CRPPA: variants seen among roughly 807,000 people sequenced by gnomAD.
The protein encoded by CRPPA is D-ribitol-5-phosphate cytidylyltransferase.
In CRPPA, 43 loss-of-function variants were observed where a neutral mutation model predicts 52.0. The ratio of observed to expected loss-of-function variants is 0.83; its 90% CI spans 0.65 to 1.07. The LOEUF (loss-of-function observed/expected upper bound fraction) is 1.07. Ranked by LOEUF, CRPPA falls within the 50% of genes least tolerant of loss-of-function variation. The pLI is 0.00. For missense variants in CRPPA, 629 were observed against 551.7 expected (o/e 1.14, Z -1.40); for synonymous variants, 250 against 203.5 (o/e 1.23, Z -1.94).
At chr7:16,312,583 T>C (rs1390253383) in intron 3 of CRPPA, among the ~76,000 whole-genome samples, 1 of 151,996 alleles carries the variant, frequency 6.6e-6, no homozygotes, top group East Asian at 1.9e-4. Context: ...CAATACTTAG[T>C]TCATTTCCTT....
At chr7:16,135,407 G>A (rs934201439) in intron 9 of CRPPA, among the ~76,000 whole-genome samples, 2 of 151,780 alleles carry the variant, frequency 1.3e-5, no homozygotes, top group African/African-American at 4.8e-5. Flanking sequence ...GTGTTTTTTT[G>A]TGAAAGTTTC....
chr7:16,322,211 C>T (rs939172431), intron 3 of CRPPA, among the ~76,000 whole-genome samples: 5 of 152,016 alleles, frequency 3.3e-5, no homozygotes, highest in African/African-American at 1.2e-4. Flanking sequence ...GAAGCTGGCA[C>T]CAGGAGGCAA....
At chr7:16,283,414 A>T (rs1784358721) in intron 5 of CRPPA, among the ~76,000 whole-genome samples, 1 of 150,342 alleles carries the variant, frequency 6.7e-6, no homozygotes, top group Non-Finnish European at 1.5e-5. Flanking sequence ...AGATTCACTA[A>T]TATATCACAT....
At chr7:16,329,043 A>G (rs17169426) in intron 3 of CRPPA, among the ~76,000 whole-genome samples, 15,095 of 152,260 alleles carry the variant, frequency 0.099, 905 homozygotes, top group East Asian at 0.26. Flanking sequence ...GGCAAAATTC[A>G]TGAAACTAGA....
intron 8 of CRPPA, among the ~76,000 whole-genome samples, chr7:16,256,239 C>T (rs995700752): frequency 6.6e-6 from 1 of 152,180 alleles, no homozygotes; most frequent in Non-Finnish European, 1.5e-5. Flanking sequence ...GAGATACCAT[C>T]TCACACCAGT....
chr7:16,177,383 T>G (rs905400428), intron 9 of CRPPA, among the ~76,000 whole-genome samples: 1 of 152,158 alleles, frequency 6.6e-6, no homozygotes. Context: ...ATAAATTCAT[T>G]AATTCAACTT....
Position 16,286,699 on chromosome 7 carries a change from A to G in CRPPA, c.836-8473T>C, listed in dbSNP as rs374566085. 9.2e-5 allele frequency among the ~76,000 whole-genome samples: 14 copies of G among 152,316 alleles called. No individual in the cohort carries two copies. In the East Asian group the frequency reaches 2.3e-3, roughly 25 times the overall value. ...GAGTTGGCTAGGAAAAGGAATGCACAGGCAACAATCATCAAGGAGACTTTC... is the reference window on the plus strand; with the variant it reads ...GAGTTGGCTAGGAAAAGGAATGCACGGGCAACAATCATCAAGGAGACTTTC... On this transcript the variant is annotated intron_variant, in intron 5 of 9. Transcript: ENST00000407010.
intron 9 of CRPPA, among the ~76,000 whole-genome samples, chr7:16,100,558 C>T (rs1250567745): frequency 1.3e-5 from 2 of 152,184 alleles, no homozygotes; most frequent in East Asian, 3.9e-4. Flanking sequence ...TAGGCTGAGA[C>T]AATGGAGTTT....
intron 5 of CRPPA, among the ~76,000 whole-genome samples, chr7:16,285,562 G>A (rs1784407170): frequency 6.6e-6 from 1 of 152,048 alleles, no homozygotes; most frequent in Non-Finnish European, 1.5e-5. Flanking sequence ...AGGTCACATA[G>A]TTTGATGTGA....
At chr7:16,222,943 A>AG (rs1782561043) in intron 8 of CRPPA, among the ~76,000 whole-genome samples, 1 of 152,160 alleles carries the variant, frequency 6.6e-6, no homozygotes, top group African/African-American at 2.4e-5. Context: ...TCTATGTTTT[A>AG]GGAACATTTA....
At chr7:16,403,062 T>A (rs1172763592) in intron 2 of CRPPA, among the ~76,000 whole-genome samples, 1 of 152,088 alleles carries the variant, frequency 6.6e-6, no homozygotes, top group Non-Finnish European at 1.5e-5. Context: ...GGATTACAAT[T>A]AGGTTGGTTA....
intron 8 of CRPPA, among the ~76,000 whole-genome samples, chr7:16,230,075 C>G (rs1478087190): frequency 6.6e-6 from 1 of 151,916 alleles, no homozygotes; most frequent in African/African-American, 2.4e-5. Context: ...TCTTCTTAGT[C>G]TTTGATTTTT....
At chr7:16,119,594 T>C (rs569428015) in intron 9 of CRPPA, among the ~76,000 whole-genome samples, 1 of 152,262 alleles carries the variant, frequency 6.6e-6, no homozygotes, top group Admixed American at 6.5e-5. Context: ...TTTATAACAG[T>C]CATACCTAAA....
At position 16,371,617 on chromosome 7, in the gene CRPPA, C is replaced by A. The variant is rs368926330; in HGVS notation, c.684+4475G>T. On this transcript the variant is annotated intron_variant, in intron 3 of 9. Coordinates refer to ENST00000407010, the MANE Select transcript of CRPPA (RefSeq NM_001101426.4). ...ATAGTCTACCCAAATAAGAAAGAATCAGAAAAGTAATTCTGGCAGTATGAC... is the reference window on the plus strand; with the variant it reads ...ATAGTCTACCCAAATAAGAAAGAATAAGAAAAGTAATTCTGGCAGTATGAC... 2.7e-5 allele frequency among the ~76,000 whole-genome samples: 4 copies of A among 150,838 alleles called. No individual in the cohort carries two copies. In the South Asian group the frequency reaches 6.3e-4, roughly 24 times the overall value.
rs1202579530 is a variant in CRPPA, at chr7:16,389,928, A to AATATATATAT, written c.535-13697_535-13688dup. On this transcript the variant is annotated intron_variant, in intron 2 of 9. Transcript: ENST00000407010. Reference sequence around the variant, plus strand: ...GCCTAGTATACAAAAAAAAAAAAAAAATATATATATATATATATATATATA... The same window carrying AATATATATAT: ...GCCTAGTATACAAAAAAAAAAAAAAAATATATATATATATATATATATATATATATATATA... Among the ~76,000 whole-genome samples, 52 of 29,728 alleles carry AATATATATAT rather than the reference A, an allele frequency of 1.7e-3. 1 individual carries two copies. The highest frequency in any genetic ancestry group is 2.8e-3 in the East Asian group (2 of 722). The allele number at this position is 29,728 out of a possible 152,430, so 19.5% of individuals were successfully genotyped here.
At chr7:16,308,681 A>T in intron 3 of CRPPA, 54 bp from the exon 4 acceptor site, 3 of 1,057,524 alleles carry the variant, frequency 2.8e-6, no homozygotes. Context: ...TTTTAAGTAA[A>T]ACCAAGCCTT....
chr7:16,294,434 C>T (rs1221589928), intron 5 of CRPPA, among the ~76,000 whole-genome samples: 2 of 149,946 alleles, frequency 1.3e-5, no homozygotes, highest in Admixed American at 6.7e-5. Context: ...CTCTACTTTT[C>T]CTAATCCTGA....
chr7:16,204,543 G>C (rs1362445412), intron 9 of CRPPA, among the ~76,000 whole-genome samples: 1 of 152,048 alleles, frequency 6.6e-6, no homozygotes, highest in East Asian at 1.9e-4. Context: ...TCAGATGGTA[G>C]ATACACTAAA....
intron 3 of CRPPA, among the ~76,000 whole-genome samples, chr7:16,366,624 G>A (rs989633497): frequency 6.6e-6 from 1 of 151,900 alleles, no homozygotes; most frequent in Non-Finnish European, 1.5e-5. Flanking sequence ...AAATTTCTGG[G>A]GATAGCAAAG....
Sources: gnomAD v4.1 joint callset for allele counts (sites outside exome capture counted in the v4.1 genomes callset) on GRCh38, gnomAD v4.1.1 for gene constraint, MANE v1.5 for transcripts, NCBI Gene and HGNC (gene_info 2026-07-23, HGNC 2026-07-21) for gene names.